The following CALN1 variants were observed in gnomAD, a reference collection of about 807,000 sequenced individuals.
CALN1 encodes calneuron 1, also known as calcium-binding protein 8.
A neutral mutation model predicts 30.6 loss-of-function variants in CALN1; 17 were observed. That is an observed-to-expected ratio of 0.56 (90% confidence interval 0.38 to 0.83). The LOEUF is 0.83. Ranked by LOEUF, CALN1 falls within the 40% of genes least tolerant of loss-of-function variation. The probability of loss-of-function intolerance (pLI) is 0.00; values close to 1 mark genes in which losing one functional copy is unlikely to be tolerated. For missense variants in CALN1, 291 were observed against 354.9 expected, an observed-to-expected ratio of 0.82 and a Z score of 1.45; for synonymous variants, 156 against 131.4, an observed-to-expected ratio of 1.19 and a Z score of -1.28.
chr7:72,120,659 C>A (rs1808311952), intron 3 of CALN1, among the ~76,000 whole-genome samples: 1 of 152,198 alleles, frequency 6.6e-6, no homozygotes, highest in South Asian at 2.1e-4. Context: ...CCACCCTCTG[C>A]TTCCCATGAA....
chr7:72,379,291 G>A (rs753428923), intron 2 of CALN1, among the ~76,000 whole-genome samples: 117 of 152,042 alleles, frequency 7.7e-4, no homozygotes, highest in Non-Finnish European at 3.7e-4. Context: ...CACCACACCC[G>A]GCCAATTTAT....
At chr7:71,881,676 C>T (rs1399885390) in intron 5 of CALN1, among the ~76,000 whole-genome samples, 4 of 152,120 alleles carry the variant, frequency 2.6e-5, no homozygotes, top group African/African-American at 9.7e-5. Flanking sequence ...GCAAGGCTAT[C>T]CCGGGCTCTC....
chr7:72,164,636 T>A (rs965923597), intron 3 of CALN1, among the ~76,000 whole-genome samples: 1 of 152,180 alleles, frequency 6.6e-6, no homozygotes, highest in South Asian at 2.1e-4. Context: ...GTACACTTTG[T>A]GATGGCAGCC....
intron 2 of CALN1, among the ~76,000 whole-genome samples, chr7:72,344,372 A>G (rs1040656037): frequency 1.5e-4 from 23 of 152,046 alleles, no homozygotes; most frequent in African/African-American, 5.6e-4. Flanking sequence ...AAATTTACTA[A>G]ATTAGAAAAA....
At chr7:71,893,502 C>A (rs924347471) in intron 5 of CALN1, among the ~76,000 whole-genome samples, 3 of 152,058 alleles carry the variant, frequency 2.0e-5, no homozygotes, top group African/African-American at 4.8e-5. Context: ...ACCAGCCTGG[C>A]CAACATGGCG....
chr7:72,432,678 C>T (rs552929469), intron 1 of CALN1, among the ~76,000 whole-genome samples: 6 of 152,182 alleles, frequency 3.9e-5, no homozygotes, highest in Admixed American at 6.5e-5. Flanking sequence ...ATTGGATACT[C>T]ATCTTTGCAA....
At chr7:72,487,806 A>AAG in the CALN1 span, among the ~76,000 whole-genome samples, 24 of 122,628 alleles carry the variant, frequency 2.0e-4, no homozygotes, top group African/African-American at 8.0e-4. Context: ...AGAAAGGAGA[A>AAG]AGAGAGAGAG....
At chr7:72,471,732 G>C in the CALN1 span, among the ~76,000 whole-genome samples, 1 of 152,332 alleles carries the variant, frequency 6.6e-6, no homozygotes, top group African/African-American at 2.4e-5. Flanking sequence ...TCGGTTAGGT[G>C]TTGAAAGGAG....
chr7:72,156,342 C>G (rs375389366), intron 3 of CALN1, among the ~76,000 whole-genome samples: 2 of 152,130 alleles, frequency 1.3e-5, no homozygotes, highest in African/African-American at 4.8e-5. Flanking sequence ...CAGAAAGGAC[C>G]CCTGAATACA....
chr7:71,840,017 A>G (rs1313071681), intron 5 of CALN1, among the ~76,000 whole-genome samples: 1 of 152,190 alleles, frequency 6.6e-6, no homozygotes, highest in East Asian at 1.9e-4. Context: ...GGGGGCTCAA[A>G]GAATCTGGGT....
chr7:72,446,140 A>G (rs952200122), intron 1 of CALN1, among the ~76,000 whole-genome samples: 3 of 152,062 alleles, frequency 2.0e-5, no homozygotes, highest in African/African-American at 7.2e-5. Context: ...ACTTTCAGGG[A>G]TGTCTGTGGA....
intron 5 of CALN1, among the ~76,000 whole-genome samples, chr7:71,916,534 C>T (rs916801464): frequency 6.6e-6 from 1 of 152,036 alleles, no homozygotes; most frequent in African/African-American, 2.4e-5. Context: ...ATGGATGGAG[C>T]TGGAGGCCAT....
At chr7:71,812,929 C>CATT (rs71092917) in intron 5 of CALN1, among the ~76,000 whole-genome samples, 5,136 of 136,426 alleles carry the variant, frequency 0.038, 140 homozygotes, top group African/African-American at 0.066. Context: ...TCATCATCAT[C>CATT]ATTATTATTA....
chr7:72,368,813 T>TG (rs1203788236), intron 2 of CALN1, among the ~76,000 whole-genome samples: 3 of 140,824 alleles, frequency 2.1e-5, no homozygotes. Context: ...GAAACCCTTT[T>TG]TTTTTTTTTT....
chr7:72,230,289 A>G (rs953252361), intron 3 of CALN1, among the ~76,000 whole-genome samples: 7 of 151,430 alleles, frequency 4.6e-5, no homozygotes, highest in African/African-American at 1.7e-4. Flanking sequence ...AAAATATTTT[A>G]AAAACAGATC....
intron 5 of CALN1, among the ~76,000 whole-genome samples, chr7:71,957,186 G>A (rs1797005031): frequency 6.6e-6 from 1 of 151,950 alleles, no homozygotes; most frequent in Admixed American, 6.6e-5. Flanking sequence ...CGGCTTTGAT[G>A]GACAATTCAC....
intron 3 of CALN1, among the ~76,000 whole-genome samples, chr7:72,182,799 A>G (rs574621075): frequency 1.3e-5 from 2 of 152,042 alleles, no homozygotes; most frequent in South Asian, 4.2e-4. Flanking sequence ...AATAGAAAAG[A>G]CGTTCTAGAT....
chr7:71,858,276 G>A (rs575943405), intron 5 of CALN1, among the ~76,000 whole-genome samples: 52 of 152,190 alleles, frequency 3.4e-4, no homozygotes, highest in Non-Finnish European at 4.7e-4. Context: ...ATCTCCTGCC[G>A]TGATTGTAAG....
chr7:71,999,723 G>C (rs1233515734), intron 5 of CALN1, among the ~76,000 whole-genome samples: 1 of 151,882 alleles, frequency 6.6e-6, no homozygotes, highest in Non-Finnish European at 1.5e-5. Context: ...CCGTCGGCCA[G>C]GCTGGTCGCA....
Sources: allele counts gnomAD v4.1 joint callset (sites outside exome capture counted in the v4.1 genomes callset), GRCh38; gene constraint gnomAD v4.1.1; transcripts MANE v1.5; gene names NCBI Gene and HGNC (gene_info 2026-07-23, HGNC 2026-07-21).